The following SDC1 variants were observed in gnomAD, a reference collection of about 807,000 sequenced individuals.
The protein encoded by SDC1 is syndecan-1.
Under a neutral mutation model 29.7 loss-of-function variants are expected in SDC1, and 14 were observed. The observed-to-expected ratio is 0.47, with a 90% CI of 0.31 to 0.74. The LOEUF (loss-of-function observed/expected upper bound fraction) is 0.74, where lower values mean the gene tolerates loss of function less well. Ranked by LOEUF, SDC1 falls within the 30% of genes least tolerant of loss-of-function variation. SDC1 has a pLI of 0.05. For synonymous variants in SDC1, 204 were observed against 175.5 expected (o/e 1.16, Z -1.29); for missense variants, 406 against 400.3 (o/e 1.01, Z -0.12).
intron 4 of SDC1, 34 bp downstream of exon 4, chr2:20,203,053 T>C (rs1415880170): frequency 6.3e-7 from 1 of 1,579,170 alleles, no homozygotes; most frequent in African/African-American, 1.3e-5. Flanking sequence ...CAGCAGCAAT[T>C]CACCCCAAAC....
intron 1 of SDC1, among the ~76,000 whole-genome samples, chr2:20,219,742 T>C (rs915578270): frequency 3.3e-5 from 5 of 152,094 alleles, no homozygotes; most frequent in Non-Finnish European, 5.9e-5. Context: ...AACCCAAGAT[T>C]CCAAAACTGG....
intron 1 of SDC1, among the ~76,000 whole-genome samples, chr2:20,213,459 A>G (rs1327798176): frequency 6.6e-6 from 1 of 152,170 alleles, no homozygotes; most frequent in Non-Finnish European, 1.5e-5. Flanking sequence ...AGGACACTCG[A>G]TCACACTGAC....
Position 20,202,789 on chromosome 2 carries a change from T to C in SDC1, c.910A>G (p.Lys304Glu), listed in dbSNP as rs200116695. 5.0e-6 allele frequency: 8 copies of C among 1,611,232 alleles called. No homozygotes were observed. The South Asian group carries it at 5.5e-5, about 11-fold the overall frequency. The change falls in exon 5 of 5, where the codon AAA becomes GAA. Residue 304 changes from lysine (K) to glutamate (E), a missense_variant. Physicochemically the swap from Lys to Glu is moderately conservative, Grantham distance 56. Transcript: ENST00000254351. ...ANGGAYQKPT[K>E]QEEFYA is the part of the protein sequence containing the mutation. The stretch of plus-strand genomic sequence containing the variant: ...CGTCAGGCATAGAATTCCTCCTGTT[T>C]GGTGGGCTTCTGGTAGGCCCCGCCG...
Position 20,203,933 on chromosome 2 carries a change from T to C in SDC1, c.507A>G (p.Gly169=). ...GAGTGTGAAGGTCAGCTTGGCTGGG[T>C]CCTGCAGGGGTTGAGGTCTCATGGT... is the stretch of plus-strand genomic sequence containing the variant. ...PGHHETSTPA[G]PSQADLHTPH... Residue 169 remains glycine (G), a synonymous_variant, in exon 3 of 5, where the codon GGA becomes GGG. Coordinates refer to ENST00000254351, the MANE Select transcript of SDC1 (RefSeq NM_002997.5). 1 of 1,613,854 alleles carries C rather than the reference T, an allele frequency of 6.2e-7. No homozygotes were observed. Among genetic ancestry groups the C allele is most frequent in the Non-Finnish European group, 8.5e-7 (1 of 1,179,944 alleles).
chr2:20,213,908 G>A (rs1179782090), intron 1 of SDC1, among the ~76,000 whole-genome samples: 2 of 152,234 alleles, frequency 1.3e-5, no homozygotes, highest in East Asian at 3.8e-4. Context: ...AGGGGAACAA[G>A]CTCCAACTTT....
intron 1 of SDC1, among the ~76,000 whole-genome samples, chr2:20,222,164 G>C (rs1677842929): frequency 6.6e-6 from 1 of 152,154 alleles, no homozygotes; most frequent in Non-Finnish European, 1.5e-5. Flanking sequence ...AGTCTCTTGG[G>C]AGTGGTTTTG....
chr2:20,207,962 C>T, intron 1 of SDC1: 1 of 985,434 alleles, frequency 1.0e-6, no homozygotes, highest in Non-Finnish European at 1.2e-6. Context: ...AAGGACTCTG[C>T]CCTGCCCTCT....
intron 1 of SDC1, among the ~76,000 whole-genome samples, chr2:20,213,064 G>A (rs1362683270): frequency 6.6e-6 from 1 of 152,164 alleles, no homozygotes; most frequent in Non-Finnish European, 1.5e-5. Context: ...GTACACCGGG[G>A]GCGTTTATTG....
intron 1 of SDC1, among the ~76,000 whole-genome samples, chr2:20,209,908 C>G (rs529401328): frequency 6.6e-6 from 1 of 152,244 alleles, no homozygotes; most frequent in Non-Finnish European, 1.5e-5. Context: ...GTCGCTAACC[C>G]GAGAGGTTGC....
chr2:20,221,052 G>C (rs1423239180), intron 1 of SDC1, among the ~76,000 whole-genome samples: 1 of 152,174 alleles, frequency 6.6e-6, no homozygotes, highest in Non-Finnish European at 1.5e-5. Context: ...TCTCCACTGA[G>C]AGAGGCCCCT....
At position 20,213,088 on chromosome 2, in the gene SDC1, C is replaced by T. The variant is rs188951159; in HGVS notation, c.67-7664G>A. On this transcript the variant is annotated intron_variant, in intron 1 of 4. Transcript: ENST00000254351. ...GGGCGTTTATTGAAGGAGGAGGGAT[C>T]CTGGCAGCCTCATGCCAGCTCCGAT... 4.8e-3 allele frequency among the ~76,000 whole-genome samples: 729 copies of T among 152,272 alleles called. 3 individuals carry two copies. Among genetic ancestry groups the T allele is most frequent in the Non-Finnish European group, 8.0e-3 (543 of 68,006 alleles).
At chr2:20,208,047 C>T in intron 1 of SDC1, 1 of 985,444 alleles carries the variant, frequency 1.0e-6, no homozygotes, top group Non-Finnish European at 1.2e-6. Flanking sequence ...ACTTCGACCC[C>T]ACGAGCCTCT....
intron 1 of SDC1, among the ~76,000 whole-genome samples, chr2:20,212,102 C>CT (rs900182997): frequency 6.8e-5 from 4 of 59,086 alleles, no homozygotes; most frequent in African/African-American, 3.1e-4. Context: ...GCTGGCCCCG[C>CT]GGCTTTAGCA....
At chr2:20,209,023 G>A (rs1057307558) in intron 1 of SDC1, among the ~76,000 whole-genome samples, 1 of 152,192 alleles carries the variant, frequency 6.6e-6, no homozygotes, top group Non-Finnish European at 1.5e-5. Context: ...GGATCAAGAG[G>A]CAACTGCCTG....
At position 20,203,945 on chromosome 2, in the gene SDC1, T is replaced by C. The variant is rs768237173; in HGVS notation, c.495A>G (p.Ser165=). The part of the protein sequence containing the change: ...RDMQPGHHET[S]TPAGPSQADL... The stretch of plus-strand genomic sequence containing the variant: ...CAGCTTGGCTGGGTCCTGCAGGGGT[T>C]GAGGTCTCATGGTGGCCAGGCTGCA... The change falls in exon 3 of 5, where the codon TCA becomes TCG. Residue 165 remains serine, a synonymous_variant. Coordinates refer to ENST00000254351, the MANE Select transcript of SDC1 (RefSeq NM_002997.5). 1.2e-6 allele frequency: 2 copies of C among 1,613,892 alleles called. No individual in the cohort carries two copies. The highest frequency in any genetic ancestry group is 2.7e-5 in the African/African-American group (2 of 75,016).
chr2:20,202,931 G>A lies in SDC1; in HGVS notation c.768C>T (p.Val256=). The A allele has an allele frequency of 6.2e-7, 1 of 1,610,324 alleles. No homozygotes were observed. The highest frequency in any genetic ancestry group is 8.5e-7 in the Non-Finnish European group (1 of 1,178,060). The part of the protein sequence containing the change: ...LLDRKEVLGG[V]IAGGLVGLIF... Reference sequence around the variant, plus strand: ...TGAGCCCCACGAGGCCTCCGGCAATGACCCCTAGGGCAGGTAGACGGGGCC... The same window carrying A: ...TGAGCCCCACGAGGCCTCCGGCAATAACCCCTAGGGCAGGTAGACGGGGCC... Residue 256 remains valine (V), a synonymous_variant, in exon 5 of 5, where the codon GTC becomes GTT. Transcript: ENST00000254351.
At chr2:20,217,628 C>G (rs562655401) in intron 1 of SDC1, among the ~76,000 whole-genome samples, 3 of 152,306 alleles carry the variant, frequency 2.0e-5, no homozygotes, top group Admixed American at 2.0e-4. Flanking sequence ...GCCCCTGAGC[C>G]CCGGCTGTGT....
At chr2:20,203,692 T>C in intron 3 of SDC1, 121 bp downstream of exon 3, 2 of 780,766 alleles carry the variant, frequency 2.6e-6, no homozygotes, top group Non-Finnish European at 4.2e-6. Context: ...GGCGGGCCCC[T>C]GTGCCCTGTC....
intron 1 of SDC1, among the ~76,000 whole-genome samples, chr2:20,207,681 G>C (rs1677323165): frequency 6.6e-6 from 1 of 152,196 alleles, no homozygotes; most frequent in African/African-American, 2.4e-5. Flanking sequence ...ACTCCAGCCT[G>C]CGTGACACAG....
Sources: allele counts gnomAD v4.1 joint callset (sites outside exome capture counted in the v4.1 genomes callset), GRCh38; gene constraint gnomAD v4.1.1; transcripts MANE v1.5; gene names NCBI Gene and HGNC (gene_info 2026-07-23, HGNC 2026-07-21).